Variants in KCNAB1 observed in about 807,000 individuals in gnomAD.
KCNAB1 encodes the protein potassium voltage-gated channel subfamily A regulatory beta subunit 1.
In KCNAB1, 35 loss-of-function variants were observed where a neutral mutation model predicts 64.6. The observed-to-expected ratio is 0.54, with a 90% CI of 0.41 to 0.72. KCNAB1 has a LOEUF of 0.72. KCNAB1 is among the 30% of genes least tolerant of loss of function. The pLI, the probability that KCNAB1 is intolerant of heterozygous loss-of-function variation, is 0.00. For synonymous variants in KCNAB1, 177 were observed against 183.8 expected (o/e 0.96, Z 0.30); for missense variants, 401 against 512.9 (o/e 0.78, Z 2.11).
intron 1 of KCNAB1, among the ~76,000 whole-genome samples, chr3:156,411,679 G>A (rs2108210020): frequency 6.6e-6 from 1 of 152,108 alleles, no homozygotes; most frequent in South Asian, 2.1e-4. Context: ...TACTTGTGTG[G>A]GGCTATTTCT....
rs1369787225 is a variant in KCNAB1, at chr3:156,120,594, C to T, written c.-18C>T. On this transcript the variant is annotated 5_prime_UTR_variant, in exon 1 of 14. Coordinates refer to ENST00000490337, the MANE Select transcript of KCNAB1 (RefSeq NM_172160.3). ...TTTGATGACAGTGACTTCCAGTCTT[C>T]TCTGAAAGATCTCCACGATGCTGGC... 1.5e-5 allele frequency: 24 copies of T among 1,613,364 alleles called. No individual in the cohort carries two copies. Among genetic ancestry groups the T allele is most frequent in the Non-Finnish European group, 2.0e-5 (24 of 1,179,532 alleles).
chr3:156,149,357 A>T (rs1015837385), intron 1 of KCNAB1, among the ~76,000 whole-genome samples: 2 of 152,180 alleles, frequency 1.3e-5, no homozygotes, highest in Non-Finnish European at 1.5e-5. Flanking sequence ...GTACATTACT[A>T]CGGACTATCA....
intron 1 of KCNAB1, among the ~76,000 whole-genome samples, chr3:156,183,827 T>C (rs1158399280): frequency 8.5e-5 from 13 of 152,152 alleles, no homozygotes; most frequent in Admixed American, 8.5e-4. Context: ...ATTATGAGAG[T>C]GGCATGAGAA....
At chr3:156,221,095 T>A (rs1304596742) in intron 1 of KCNAB1, among the ~76,000 whole-genome samples, 1 of 152,232 alleles carries the variant, frequency 6.6e-6, no homozygotes, top group Admixed American at 6.5e-5. Context: ...TTGGTACCAG[T>A]ACCATGCTGT....
At chr3:156,172,533 G>C (rs1712070778) in intron 1 of KCNAB1, among the ~76,000 whole-genome samples, 1 of 152,146 alleles carries the variant, frequency 6.6e-6, no homozygotes, top group Non-Finnish European at 1.5e-5. Flanking sequence ...ACCCTCCTCG[G>C]CCTTCCAAAA....
chr3:156,303,160 C>T (rs1721271559), intron 1 of KCNAB1, among the ~76,000 whole-genome samples: 1 of 152,192 alleles, frequency 6.6e-6, no homozygotes, highest in Admixed American at 6.5e-5. Context: ...AATAGAAAAG[C>T]CTGGGTGTTC....
At chr3:156,519,695 C>T (rs930595735) in intron 11 of KCNAB1, among the ~76,000 whole-genome samples, 1 of 152,220 alleles carries the variant, frequency 6.6e-6, no homozygotes, top group Admixed American at 6.5e-5. Flanking sequence ...TGTACATTGT[C>T]ATGACTTTCC....
chr3:156,516,129 T>A (rs1001089381), intron 10 of KCNAB1, 141 bp from the exon 11 acceptor site: 5 of 573,494 alleles, frequency 8.7e-6, no homozygotes, highest in Non-Finnish European at 1.6e-5. Context: ...TGGAAAAAAA[T>A]GCATGCTGAT....
At chr3:156,214,377 A>T (rs73162762) in intron 1 of KCNAB1, among the ~76,000 whole-genome samples, 2,230 of 152,212 alleles carry the variant, frequency 0.015, 22 homozygotes, top group Middle Eastern at 0.071. Context: ...TGCTAATTGC[A>T]GGCACTTAGT....
Position 156,484,111 on chromosome 3 carries a change from C to T in KCNAB1, c.658+9291C>T, listed in dbSNP as rs373025778. Among the ~76,000 whole-genome samples the T allele has an allele frequency of 2.6e-5, 4 of 152,234 alleles. No individual in the cohort carries two copies. In the East Asian group the frequency reaches 7.7e-4, roughly 29 times the overall value. On this transcript the variant is annotated intron_variant, in intron 8 of 13. Coordinates refer to ENST00000490337, the MANE Select transcript of KCNAB1 (RefSeq NM_172160.3). ...TTCTAAAGAAGGATATGCTTATATG[C>T]TATGCAGTTTACTTCCTCTATTTTC...
intron 8 of KCNAB1, among the ~76,000 whole-genome samples, chr3:156,501,095 A>C (rs181105918): frequency 3.9e-4 from 60 of 152,310 alleles, no homozygotes; most frequent in African/African-American, 1.3e-3. Flanking sequence ...ATTACCCTCA[A>C]TACAGAACAC....
chr3:156,284,624 G>A (rs1002957562), intron 1 of KCNAB1, among the ~76,000 whole-genome samples: 4 of 152,178 alleles, frequency 2.6e-5, no homozygotes, highest in South Asian at 2.1e-4. Context: ...GCGAGACTCC[G>A]TGGGCATAGG....
chr3:156,533,994 A>AGCAGGATGAGGCTTTGCCTATCC (rs1718879849), intron 13 of KCNAB1, among the ~76,000 whole-genome samples: 1 of 152,232 alleles, frequency 6.6e-6, no homozygotes, highest in African/African-American at 2.4e-5. Flanking sequence ...TTTGGCTGGC[A>AGCAGGATGAGGCTTTGCCTATCC]GCAGGATGAG....
At chr3:156,495,107 A>C (rs1016520450) in intron 8 of KCNAB1, among the ~76,000 whole-genome samples, 3 of 152,096 alleles carry the variant, frequency 2.0e-5, no homozygotes, top group African/African-American at 7.2e-5. Flanking sequence ...CCACTTATAA[A>C]TAAGAACACA....
intron 1 of KCNAB1, among the ~76,000 whole-genome samples, chr3:156,257,819 G>A (rs1718186458): frequency 1.3e-5 from 2 of 152,104 alleles, no homozygotes; most frequent in Admixed American, 6.6e-5. Context: ...TTTCTCTTGG[G>A]GAATTTGAAT....
chr3:156,174,684 G>A (rs1274406047), intron 1 of KCNAB1, among the ~76,000 whole-genome samples: 1 of 152,114 alleles, frequency 6.6e-6, no homozygotes, highest in Non-Finnish European at 1.5e-5. Context: ...GCCCGAGGTC[G>A]AGAAGAGCTG....
At chr3:156,259,623 T>G (rs1030408041) in intron 1 of KCNAB1, among the ~76,000 whole-genome samples, 3 of 152,204 alleles carry the variant, frequency 2.0e-5, no homozygotes, top group African/African-American at 2.4e-5. Flanking sequence ...CTAACATAGC[T>G]GACTTTTATG....
intron 12 of KCNAB1, among the ~76,000 whole-genome samples, chr3:156,530,961 T>C (rs1718662104): frequency 6.6e-6 from 1 of 152,146 alleles, no homozygotes; most frequent in African/African-American, 2.4e-5. Context: ...GTAGCTTGAA[T>C]GCCCTGGTTG....
rs55980322 is a variant in KCNAB1 at position 156,514,195 on chromosome 3, C to T, written c.659-169C>T. Among the ~76,000 whole-genome samples the T allele has an allele frequency of 3.7e-3, 562 of 152,310 alleles. 5 individuals are homozygous for T. The highest frequency in any genetic ancestry group is 6.5e-3 in the Non-Finnish European group (441 of 68,028). ...CCCAAAGGTACCATCAGCCTTCAAA[C>T]CATCAATATTTCCTGTCAGACTATA... On this transcript the variant is annotated intron_variant, in intron 8 of 13. Transcript: ENST00000490337.
Sources: gnomAD v4.1 joint callset for allele counts (sites outside exome capture counted in the v4.1 genomes callset) on GRCh38, gnomAD v4.1.1 for gene constraint, MANE v1.5 for transcripts, NCBI Gene and HGNC (gene_info 2026-07-23, HGNC 2026-07-21) for gene names.